The following ZNF121 variants were observed in gnomAD, a reference collection of about 807,000 sequenced individuals.
The protein encoded by ZNF121 is zinc finger protein 121.
In ZNF121, 1 loss-of-function variant was observed where a neutral mutation model predicts 2.4. That is an observed-to-expected ratio of 0.41 (90% CI 0.15 to 1.94). The LOEUF (loss-of-function observed/expected upper bound fraction) is 1.94. Ranked by LOEUF, ZNF121 falls within the 30% of genes most tolerant of loss-of-function variation. The probability of loss-of-function intolerance (pLI) is 0.30; values close to 1 mark genes in which losing one functional copy is unlikely to be tolerated. For missense variants in ZNF121, 369 were observed against 466.3 expected (o/e 0.79, Z 1.92); for synonymous variants, 173 against 158.6 (o/e 1.09, Z -0.68).
rs750223520 is a variant in ZNF121, at chr19:9,565,906, A to G, written c.*34T>C. On this transcript the variant is annotated 3_prime_UTR_variant, in exon 4 of 4. Coordinates refer to ENST00000320451, the MANE Select transcript of ZNF121 (RefSeq NM_001008727.5). The stretch of plus-strand genomic sequence containing the variant: ...AATTATGGTATGAGAAATTCCTAAA[A>G]GATTTCCACATTCCTTACATTCAGA... The G allele has an allele frequency of 1.2e-5, 17 of 1,453,950 alleles. No individual in the cohort carries two copies. The highest frequency in any genetic ancestry group is 4.7e-5 in the East Asian group (2 of 42,790). The allele number at this position is 1,453,950 out of a possible 1,614,324, so 90.1% of individuals were successfully genotyped here.
intron 1 of ZNF121, among the ~76,000 whole-genome samples, chr19:9,570,422 G>A (rs965295609): frequency 2.0e-5 from 3 of 152,176 alleles, no homozygotes; most frequent in Admixed American, 2.0e-4. Context: ...TGACAGAGCA[G>A]AAGACACTCT....
Position 9,566,239 on chromosome 19 carries a change from C to T in ZNF121, c.874G>A (p.Ala292Thr). Residue 292 changes from alanine to threonine, a missense_variant, in exon 4 of 4, where the codon GCA (alanine) becomes ACA (threonine). Physicochemically the swap from Ala to Thr is moderately conservative, Grantham distance 58. Transcript: ENST00000320451. ...TGTAAGCTTGAGGAAACAGTGAATGCTTTCCCACACTCCTTACATTTATAG... is the reference window on the plus strand; with the variant it reads ...TGTAAGCTTGAGGAAACAGTGAATGTTTTCCCACACTCCTTACATTTATAG... ...KPYKCKECGK[A>T]FTVSSSLHNH... is the part of the protein sequence containing the mutation. The T allele has an allele frequency of 6.2e-7, 1 of 1,614,070 alleles. No homozygotes were observed. The highest frequency in any genetic ancestry group is 8.5e-7 in the Non-Finnish European group (1 of 1,180,004).
At chr19:9,573,553 T>C (rs2074188768) in intron 1 of ZNF121, among the ~76,000 whole-genome samples, 1 of 152,212 alleles carries the variant, frequency 6.6e-6, no homozygotes. Flanking sequence ...CAAGAGGGAA[T>C]GCAGCAAGTG....
chr19:9,567,145 T>C (rs760537780), intron 3 of ZNF121, 36 bp from the exon 4 acceptor site: 2 of 1,539,096 alleles, frequency 1.3e-6, no homozygotes, highest in African/African-American at 2.8e-5. Context: ...TTAAAGGATT[T>C]TTCAGATTTA....
intron 1 of ZNF121, among the ~76,000 whole-genome samples, chr19:9,569,539 T>C (rs554790503): frequency 1.4e-4 from 20 of 145,068 alleles, no homozygotes; most frequent in African/African-American, 5.1e-4. Context: ...TCTGGTTTTG[T>C]TTTTTTTTTT....
Position 9,562,520 on chromosome 19 carries a change from C to A in ZNF121, c.*3420G>T. 1 of 189,498 alleles carries A rather than the reference C, an allele frequency of 5.3e-6. No individual in the cohort carries two copies. Among genetic ancestry groups the A allele is most frequent in the South Asian group, 6.1e-5 (1 of 16,352 alleles). 11.7% of individuals were successfully genotyped at this position (189,498 alleles called of 1,614,324 possible). ...TGTTTTGGGGTACCACAAACCACAA[C>A]CTTCGAAGACAGCAAACTTAACAAA... is the stretch of plus-strand genomic sequence containing the variant. On this transcript the variant is annotated 3_prime_UTR_variant, in exon 4 of 4. Transcript: ENST00000320451.
At chr19:9,568,927 T>A (rs531222889) in intron 2 of ZNF121, 75 bp downstream of exon 2, 1 of 152,506 alleles carries the variant, frequency 6.6e-6, no homozygotes, top group South Asian at 2.1e-4. Context: ...ACAAAGTACA[T>A]CTTTTAAATA....
chr19:9,572,205 T>C (rs1292310054), intron 1 of ZNF121, among the ~76,000 whole-genome samples: 4 of 152,210 alleles, frequency 2.6e-5, no homozygotes, highest in Non-Finnish European at 4.4e-5. Context: ...GCAATATCCC[T>C]GATCTAAAAT....
In ZNF121 at chr19:9,561,472, C is replaced by T. The variant is rs2074100248; in HGVS notation, c.*4468G>A. 1 of 151,962 alleles carries T rather than the reference C, an allele frequency of 6.6e-6. No individual in the cohort carries two copies. The highest frequency in any genetic ancestry group is 2.1e-4 in the South Asian group (1 of 4,826). 9.4% of individuals were successfully genotyped at this position (151,962 alleles called of 1,614,324 possible). On this transcript the variant is annotated 3_prime_UTR_variant, in exon 4 of 4. Coordinates refer to ENST00000320451, the MANE Select transcript of ZNF121 (RefSeq NM_001008727.5). ...TCAAATTTACAGTAGCTAACTACAC[C>T]CCATAGATTAAGAATTTATGATACA...
At chr19:9,570,436 C>T (rs192159433) in intron 1 of ZNF121, among the ~76,000 whole-genome samples, 17 of 152,258 alleles carry the variant, frequency 1.1e-4, no homozygotes, top group Admixed American at 1.1e-3. Context: ...ACACTCTCTT[C>T]ACAAAGGTTA....
In ZNF121 at chr19:9,564,925, C is replaced by G. The variant is rs1337141558; in HGVS notation, c.*1015G>C. The G allele has an allele frequency of 6.6e-6, 1 of 152,236 alleles. No homozygotes were observed. Among genetic ancestry groups the G allele is most frequent in the Non-Finnish European group, 1.5e-5 (1 of 68,036 alleles). 9.4% of individuals were successfully genotyped at this position (152,236 alleles called of 1,614,324 possible). ...ATCAACACTGAGGCAAGACCTACCA[C>G]AAGCAAAAAGATTACAACTCACCAA... On this transcript the variant is annotated 3_prime_UTR_variant, in exon 4 of 4. Transcript: ENST00000320451.
chr19:9,582,430 TG>T, intron 1 of ZNF121, among the ~76,000 whole-genome samples: 1 of 152,286 alleles, frequency 6.6e-6, no homozygotes, highest in African/African-American at 2.4e-5. Context: ...AGCTCCCCAC[TG>T]AGCACCTTGT....
rs561870368 is a variant in ZNF121, at chr19:9,566,879, G to A, written c.234C>T (p.His78=). ...ATTTGTCTCCTATCCACGTTCTCTG[G>A]TGAACATTTGGTGGCAGGCTGAAGG... ...RKAFSLPPNV[H]QRTWIGDKSF... Residue 78 remains histidine, a synonymous_variant, in exon 4 of 4, where the codon CAC becomes CAT. Coordinates refer to ENST00000320451, the MANE Select transcript of ZNF121 (RefSeq NM_001008727.5). The A allele has an allele frequency of 6.2e-7, 1 of 1,614,172 alleles. No individual in the cohort carries two copies. Among genetic ancestry groups the A allele is most frequent in the Admixed American group, 1.7e-5 (1 of 60,006 alleles).
At position 9,562,454 on chromosome 19, in the gene ZNF121, G is replaced by A. The variant is rs12976180; in HGVS notation, c.*3486C>T. 15 of 269,070 alleles carry A rather than the reference G, an allele frequency of 5.6e-5. No individual in the cohort carries two copies. In the East Asian group the frequency reaches 5.9e-4, roughly 11 times the overall value. 16.7% of individuals were successfully genotyped at this position (269,070 alleles called of 1,614,324 possible). A position where few individuals can be genotyped will look rare whatever the true frequency, so the allele number is the denominator to read the frequency against. Reference sequence around the variant, plus strand: ...GCTGGGATTACAGGTGTGAGCCACCGTGCCCGGCTGCTCTGTGATCTTTGA... The same window carrying A: ...GCTGGGATTACAGGTGTGAGCCACCATGCCCGGCTGCTCTGTGATCTTTGA... On this transcript the variant is annotated 3_prime_UTR_variant, in exon 4 of 4. Transcript: ENST00000320451.
At chr19:9,570,558 G>GTT (rs1159404061) in intron 1 of ZNF121, among the ~76,000 whole-genome samples, 3 of 151,918 alleles carry the variant, frequency 2.0e-5, no homozygotes, top group African/African-American at 7.3e-5. Context: ...AGTTCCCTGG[G>GTT]TTTTTTTGTT....
intron 1 of ZNF121, among the ~76,000 whole-genome samples, chr19:9,582,136 T>C (rs945474359): frequency 1.3e-5 from 2 of 152,026 alleles, no homozygotes; most frequent in Non-Finnish European, 2.9e-5. Flanking sequence ...TGAAACCTTG[T>C]CTCTACTAAA....
At position 9,563,608 on chromosome 19, in the gene ZNF121, A is replaced by G. The variant is rs1205910882; in HGVS notation, c.*2332T>C. On this transcript the variant is annotated 3_prime_UTR_variant, in exon 4 of 4. Transcript: ENST00000320451. Reference sequence around the variant, plus strand: ...AGGACGGGCTGACTCTTTACTTTGTAGAGACAGCGTCACGCTCTGTTGTGC... The same window carrying G: ...AGGACGGGCTGACTCTTTACTTTGTGGAGACAGCGTCACGCTCTGTTGTGC... 6.6e-6 allele frequency: 1 copy of G among 152,202 alleles called. No individual in the cohort carries two copies. Among genetic ancestry groups the G allele is most frequent in the Non-Finnish European group, 1.5e-5 (1 of 68,046 alleles). 9.4% of individuals were successfully genotyped at this position (152,202 alleles called of 1,614,324 possible).
Position 9,568,143 on chromosome 19 carries a change from G to C in ZNF121, c.-46C>G. The C allele has an allele frequency of 1.3e-6, 2 of 1,530,308 alleles. No homozygotes were observed. Among genetic ancestry groups the C allele is most frequent in the Non-Finnish European group, 1.8e-6 (2 of 1,124,958 alleles). 94.8% of individuals were successfully genotyped at this position (1,530,308 alleles called of 1,614,324 possible). A position where few individuals can be genotyped will look rare whatever the true frequency, so the allele number is the denominator to read the frequency against. ...TGTTAAGCCAAAAAAAAATGTTGTT[G>C]AGGTGCTGACACTTTGGTTTTAACT... is the stretch of plus-strand genomic sequence containing the variant. On this transcript the variant is annotated 5_prime_UTR_variant, in exon 3 of 4. Coordinates refer to ENST00000320451, the MANE Select transcript of ZNF121 (RefSeq NM_001008727.5).
At chr19:9,576,525 CA>C (rs1422868304) in intron 1 of ZNF121, among the ~76,000 whole-genome samples, 3 of 151,782 alleles carry the variant, frequency 2.0e-5, no homozygotes, top group African/African-American at 7.3e-5. Context: ...CACGTACATA[CA>C]AAAAGTAGAA....
Sources: allele counts gnomAD v4.1 joint callset (sites outside exome capture counted in the v4.1 genomes callset), GRCh38; gene constraint gnomAD v4.1.1; transcripts MANE v1.5; gene names NCBI Gene and HGNC (gene_info 2026-07-23, HGNC 2026-07-21).